Variants in ADAMTS17 observed in about 807,000 individuals in gnomAD.
The protein encoded by ADAMTS17 is A disintegrin and metalloproteinase with thrombospondin motifs 17.
Under a neutral mutation model 141.5 loss-of-function variants are expected in ADAMTS17, and 113 were observed. That is an observed-to-expected ratio of 0.80 (90% CI 0.69 to 0.93). The LOEUF (loss-of-function observed/expected upper bound fraction) is 0.93. Ranked by LOEUF, ADAMTS17 falls within the 40% of genes least tolerant of loss-of-function variation. ADAMTS17 has a pLI of 0.00. For missense variants in ADAMTS17, 1,659 were observed against 1,517.9 expected, an observed-to-expected ratio of 1.09 and a Z score of -1.54; for synonymous variants, 768 against 630.6, an observed-to-expected ratio of 1.22 and a Z score of -3.27.
intron 13 of ADAMTS17, among the ~76,000 whole-genome samples, chr15:100,111,667 G>A (rs1313168851): frequency 2.0e-5 from 3 of 152,244 alleles, no homozygotes; most frequent in African/African-American, 7.2e-5. Flanking sequence ...AGACTGAAAT[G>A]TTGACTCAGT....
intron 18 of ADAMTS17, among the ~76,000 whole-genome samples, chr15:100,018,386 C>T (rs985303497): frequency 6.6e-6 from 1 of 152,166 alleles, no homozygotes; most frequent in Non-Finnish European, 1.5e-5. Flanking sequence ...GGGCCCTCAC[C>T]CAAACCTCAT....
chr15:100,200,519 C>G, intron 7 of ADAMTS17, among the ~76,000 whole-genome samples: 1 of 152,130 alleles, frequency 6.6e-6, no homozygotes, highest in East Asian at 1.9e-4. Context: ...CTCAACAGGG[C>G]TCGCTAGGAA....
intron 8 of ADAMTS17, among the ~76,000 whole-genome samples, chr15:100,192,237 G>C (rs1247399850): frequency 6.6e-6 from 1 of 152,132 alleles, no homozygotes; most frequent in Non-Finnish European, 1.5e-5. Flanking sequence ...AATGCTTCAA[G>C]CACCACCAAC....
chr15:100,063,492 T>C (rs57649178), intron 15 of ADAMTS17: 8 of 387,326 alleles, frequency 2.1e-5, no homozygotes, highest in African/African-American at 1.7e-4. Context: ...TAATCCACCA[T>C]GGGGGTGGCT....
At chr15:100,295,476 T>G (rs2044776449) in intron 3 of ADAMTS17, among the ~76,000 whole-genome samples, 1 of 152,094 alleles carries the variant, frequency 6.6e-6, no homozygotes, top group Non-Finnish European at 1.5e-5. Context: ...AGCCTCCAGC[T>G]CTTGGGCTAT....
intron 12 of ADAMTS17, 104 bp from the exon 13 acceptor site, chr15:100,117,117 C>T: frequency 3.6e-6 from 5 of 1,393,804 alleles, no homozygotes; most frequent in East Asian, 2.5e-5. Context: ...GGGGGCAGGG[C>T]AAGGTTTCCA....
chr15:100,194,507 A>G (rs1847423710), intron 8 of ADAMTS17, among the ~76,000 whole-genome samples: 2 of 152,224 alleles, frequency 1.3e-5, no homozygotes, highest in African/African-American at 2.4e-5. Context: ...AAGTCACACT[A>G]AAGTTACTGC....
intron 3 of ADAMTS17, among the ~76,000 whole-genome samples, chr15:100,314,381 G>A (rs1164708473): frequency 6.6e-6 from 1 of 152,186 alleles, no homozygotes; most frequent in African/African-American, 2.4e-5. Flanking sequence ...AGGGTTCTAA[G>A]AAAATTTGTA....
At chr15:100,287,385 T>C (rs1317933405) in intron 3 of ADAMTS17, among the ~76,000 whole-genome samples, 3 of 152,140 alleles carry the variant, frequency 2.0e-5, no homozygotes, top group African/African-American at 7.2e-5. Context: ...TATGGAATTA[T>C]GTAAAGAGAC....
intron 8 of ADAMTS17, among the ~76,000 whole-genome samples, chr15:100,186,565 G>A (rs992840351): frequency 6.6e-6 from 1 of 152,216 alleles, no homozygotes; most frequent in African/African-American, 2.4e-5. Flanking sequence ...GACTACAGCA[G>A]TCAAACAAGC....
intron 7 of ADAMTS17, among the ~76,000 whole-genome samples, chr15:100,241,649 G>A (rs909763206): frequency 1.3e-5 from 2 of 152,166 alleles, no homozygotes; most frequent in Admixed American, 1.3e-4. Flanking sequence ...GAAATAGCTC[G>A]TATCACTTCC....
At chr15:100,244,990 A>C (rs2042943273) in intron 7 of ADAMTS17, among the ~76,000 whole-genome samples, 1 of 151,796 alleles carries the variant, frequency 6.6e-6, no homozygotes, top group Non-Finnish European at 1.5e-5. Context: ...GGTCAGGCTG[A>C]CTCCGAATTG....
intron 20 of ADAMTS17, among the ~76,000 whole-genome samples, chr15:99,977,186 C>A (rs9920416): frequency 0.024 from 3,598 of 150,930 alleles, 147 homozygotes; most frequent in African/African-American, 0.083. Flanking sequence ...ATGTGGCTGA[C>A]GGTGTTGATT....
chr15:100,058,826 G>A (rs1034525517), intron 15 of ADAMTS17, among the ~76,000 whole-genome samples: 1 of 152,230 alleles, frequency 6.6e-6, no homozygotes. Flanking sequence ...AGGAGTCACT[G>A]GGTATGGTCA....
At chr15:100,299,839 C>G (rs1437602561) in intron 3 of ADAMTS17, among the ~76,000 whole-genome samples, 1 of 152,114 alleles carries the variant, frequency 6.6e-6, no homozygotes, top group Non-Finnish European at 1.5e-5. Context: ...CCCCCAGTCC[C>G]CAAAATCACC....
intron 10 of ADAMTS17, among the ~76,000 whole-genome samples, chr15:100,146,337 A>G (rs1386152018): frequency 6.6e-6 from 1 of 152,256 alleles, no homozygotes; most frequent in Non-Finnish European, 1.5e-5. Context: ...TTAGTTCCCC[A>G]AATTAATACT....
Position 100,341,066 on chromosome 15 carries a change from G to A in ADAMTS17, c.423C>T (p.Leu141=), listed in dbSNP as rs2046349690. Residue 141 remains leucine, a synonymous_variant, in exon 2 of 22, where the codon CTC becomes CTT. Coordinates refer to ENST00000268070, the MANE Select transcript of ADAMTS17 (RefSeq NM_139057.4). ...GGCCGCCGGCGGCGCCGCAGGCGCT[G>A]AGCGAGACGAGGGAGCCGGGGTGGC... ...VLGHPGSLVS[L]SACGAAGGLV... The A allele has an allele frequency of 4.6e-6, 7 of 1,523,584 alleles. No individual in the cohort carries two copies. The highest frequency in any genetic ancestry group is 6.1e-6 in the Non-Finnish European group (7 of 1,140,648). The allele number at this position is 1,523,584 out of a possible 1,614,324, so 94.4% of individuals were successfully genotyped here.
At chr15:100,340,274 C>G (rs1019729830) in intron 2 of ADAMTS17, among the ~76,000 whole-genome samples, 6 of 152,192 alleles carry the variant, frequency 3.9e-5, no homozygotes, top group African/African-American at 7.2e-5. Flanking sequence ...CCCCCCTCCC[C>G]CTGGGAGCAC....
chr15:100,185,414 TTTTGCCCCCCA>T (rs1180807808), intron 8 of ADAMTS17, among the ~76,000 whole-genome samples: 1 of 152,178 alleles, frequency 6.6e-6, no homozygotes, highest in Non-Finnish European at 1.5e-5. Context: ...TCCTGGTCTC[TTTTGCCCCCCA>T]TGTTGACCCC....
Sources: allele counts gnomAD v4.1 joint callset (sites outside exome capture counted in the v4.1 genomes callset), GRCh38; gene constraint gnomAD v4.1.1; transcripts MANE v1.5; gene names NCBI Gene and HGNC (gene_info 2026-07-23, HGNC 2026-07-21).